Variants in P2RY14 observed in about 807,000 individuals in gnomAD.
P2RY14 encodes the protein P2Y purinoceptor 14.
Under a neutral mutation model 0.9 loss-of-function variants are expected in P2RY14, and 2 were observed. The ratio of observed to expected loss-of-function variants is 2.16; its 90% CI spans 0.88 to 6.79. The LOEUF (loss-of-function observed/expected upper bound fraction) is 6.79. Among genes scored for constraint, P2RY14 ranks in the 30% most tolerant of loss-of-function variants. The pLI is 0.05. For synonymous variants in P2RY14, 158 were observed against 147.2 expected (o/e 1.07, Z -0.53); for missense variants, 378 against 400.1 (o/e 0.94, Z 0.47).
At chr3:151,222,325 G>A (rs1460985077) in intron 1 of P2RY14, among the ~76,000 whole-genome samples, 1 of 152,170 alleles carries the variant, frequency 6.6e-6, no homozygotes, top group African/African-American at 2.4e-5. Flanking sequence ...TGGAAGACAT[G>A]ATTGGTTTTG....
intron 1 of P2RY14, among the ~76,000 whole-genome samples, chr3:151,242,647 T>C (rs1734443931): frequency 6.6e-6 from 1 of 151,974 alleles, no homozygotes; most frequent in Admixed American, 6.5e-5. Context: ...CAAAAGTAGA[T>C]AAAACCACAA....
intron 1 of P2RY14, among the ~76,000 whole-genome samples, chr3:151,255,805 A>G (rs1048350711): frequency 2.6e-5 from 4 of 152,198 alleles, no homozygotes; most frequent in Non-Finnish European, 5.9e-5. Flanking sequence ...AAATTTGGAT[A>G]TACAAGCCAG....
intron 1 of P2RY14, among the ~76,000 whole-genome samples, chr3:151,224,474 C>T (rs1278559188): frequency 6.6e-6 from 1 of 150,936 alleles, no homozygotes; most frequent in Admixed American, 6.6e-5. Flanking sequence ...TCAATGTGAT[C>T]GCCTATGCGG....
intron 2 of P2RY14, among the ~76,000 whole-genome samples, chr3:151,215,023 G>A (rs994853449): frequency 1.8e-4 from 27 of 151,848 alleles, no homozygotes; most frequent in African/African-American, 6.5e-4. Flanking sequence ...CATATATGTT[G>A]GACATGAAGA....
chr3:151,270,243 T>TGTGTGTGTGTGTG (rs1559964090), intron 1 of P2RY14: 1 of 25,484 alleles, frequency 3.9e-5, no homozygotes, highest in Non-Finnish European at 9.8e-5. Flanking sequence ...GTGTGTGTGT[T>TGTGTGTGTGTGTG]TTCTTTTGGG....
chr3:151,228,710 C>G (rs1731021120), intron 1 of P2RY14, among the ~76,000 whole-genome samples: 1 of 152,182 alleles, frequency 6.6e-6, no homozygotes, highest in South Asian at 2.1e-4. Context: ...CCAGTCCCTA[C>G]ACAATGCTAA....
At chr3:151,252,012 G>A (rs569050217) in intron 1 of P2RY14, among the ~76,000 whole-genome samples, 2 of 152,172 alleles carry the variant, frequency 1.3e-5, no homozygotes, top group African/African-American at 2.4e-5. Flanking sequence ...TAATTTGTCT[G>A]AGTTCTATTT....
chr3:151,277,496 A>G (rs1275254257), intron 1 of P2RY14, among the ~76,000 whole-genome samples: 1 of 152,038 alleles, frequency 6.6e-6, no homozygotes, highest in East Asian at 1.9e-4. Flanking sequence ...TTTTTTTACT[A>G]GTGTGATCTT....
chr3:151,270,081 T>A (rs1051631409), intron 1 of P2RY14: 6 of 218,858 alleles, frequency 2.7e-5, no homozygotes, highest in Non-Finnish European at 4.5e-5. Flanking sequence ...ATGAAGAAGA[T>A]GAAGATGATG....
At chr3:151,250,767 C>A (rs1480275710) in intron 1 of P2RY14, among the ~76,000 whole-genome samples, 1 of 152,148 alleles carries the variant, frequency 6.6e-6, no homozygotes. Flanking sequence ...ACTTTCAGTT[C>A]TTTTGGTTAT....
chr3:151,251,353 C>G (rs1736821016), intron 1 of P2RY14, among the ~76,000 whole-genome samples: 1 of 152,128 alleles, frequency 6.6e-6, no homozygotes, highest in African/African-American at 2.4e-5. Flanking sequence ...CTCATCCATT[C>G]CTAGCCAGTC....
intron 1 of P2RY14, among the ~76,000 whole-genome samples, chr3:151,240,758 A>G (rs946876458): frequency 5.9e-5 from 9 of 152,358 alleles, no homozygotes; most frequent in African/African-American, 1.9e-4. Context: ...GCACTCTTGC[A>G]TCTAACTTGT....
At chr3:151,225,121 C>G (rs899229962) in intron 1 of P2RY14, among the ~76,000 whole-genome samples, 2 of 152,184 alleles carry the variant, frequency 1.3e-5, no homozygotes, top group Non-Finnish European at 2.9e-5. Context: ...CTTTCTGCCC[C>G]AGCACTGTGA....
intron 1 of P2RY14, among the ~76,000 whole-genome samples, chr3:151,223,896 G>A (rs537651003): frequency 3.4e-4 from 51 of 152,188 alleles, no homozygotes; most frequent in Non-Finnish European, 6.5e-4. Flanking sequence ...AGCAAGTCCA[G>A]CCTCCTTACA....
At chr3:151,222,252 A>T (rs530396496) in intron 1 of P2RY14, among the ~76,000 whole-genome samples, 3 of 152,314 alleles carry the variant, frequency 2.0e-5, no homozygotes, top group African/African-American at 7.2e-5. Flanking sequence ...CTTGTCTGGG[A>T]TGAGACTCTG....
At chr3:151,221,519 C>T (rs1729348816) in intron 1 of P2RY14, among the ~76,000 whole-genome samples, 1 of 152,170 alleles carries the variant, frequency 6.6e-6, no homozygotes, top group South Asian at 2.1e-4. Flanking sequence ...TGTGTGCAGC[C>T]TGGGGAATTG....
chr3:151,265,419 G>A (rs1262137341), intron 1 of P2RY14, among the ~76,000 whole-genome samples: 16 of 152,056 alleles, frequency 1.1e-4, no homozygotes, highest in Non-Finnish European at 2.9e-5. Context: ...TCTTTTTTGA[G>A]TATCATTATC....
intron 2 of P2RY14, among the ~76,000 whole-genome samples, chr3:151,215,546 G>T (rs972349395): frequency 6.6e-6 from 1 of 152,146 alleles, no homozygotes. Context: ...ATTGCACAGT[G>T]CTGTGCTAGG....
chr3:151,238,436 C>T (rs572764145), intron 1 of P2RY14, among the ~76,000 whole-genome samples: 3 of 152,326 alleles, frequency 2.0e-5, no homozygotes, highest in South Asian at 4.1e-4. Context: ...CGTGAGCCAC[C>T]GCGCCCAGCC....
Sources: allele counts gnomAD v4.1 joint callset (sites outside exome capture counted in the v4.1 genomes callset), GRCh38; gene constraint gnomAD v4.1.1; transcripts MANE v1.5; gene names NCBI Gene and HGNC (gene_info 2026-07-23, HGNC 2026-07-21).